The following TSPAN14 variants were observed in gnomAD, a reference collection of about 807,000 sequenced individuals.
The protein encoded by TSPAN14 is tetraspanin-14.
TSPAN14 carries 16 observed loss-of-function variants against 36.6 expected under a neutral mutation model. That is an observed-to-expected ratio of 0.44 (90% confidence interval 0.30 to 0.66). The LOEUF (loss-of-function observed/expected upper bound fraction) is 0.66, where lower values mean the gene tolerates loss of function less well. Ranked by LOEUF, TSPAN14 falls within the 30% of genes least tolerant of loss-of-function variation. TSPAN14 has a pLI of 0.12. For missense variants in TSPAN14, 231 were observed against 355.1 expected, an observed-to-expected ratio of 0.65 and a Z score of 2.81; for synonymous variants, 139 against 143.8, an observed-to-expected ratio of 0.97 and a Z score of 0.24.
chr10:80,510,318 C>A (rs893307394), intron 5 of TSPAN14, among the ~76,000 whole-genome samples: 1 of 152,208 alleles, frequency 6.6e-6, no homozygotes, highest in East Asian at 1.9e-4. Flanking sequence ...ACCTTTATTT[C>A]ATGTATTATG....
At chr10:80,506,260 G>A (rs1480415345) in intron 3 of TSPAN14, among the ~76,000 whole-genome samples, 1 of 152,128 alleles carries the variant, frequency 6.6e-6, no homozygotes, top group Non-Finnish European at 1.5e-5. Context: ...GACGTGAGCC[G>A]CCATGCCCAG....
At chr10:80,469,044 T>C (rs1846392854) in intron 1 of TSPAN14, among the ~76,000 whole-genome samples, 1 of 152,130 alleles carries the variant, frequency 6.6e-6, no homozygotes, top group African/African-American at 2.4e-5. Context: ...GGGTGTGCAG[T>C]GCACAGCAGT....
intron 1 of TSPAN14, among the ~76,000 whole-genome samples, chr10:80,467,521 G>A (rs553120848): frequency 1.3e-5 from 2 of 152,240 alleles, no homozygotes; most frequent in South Asian, 4.1e-4. Context: ...GGAACTTTGG[G>A]AACATTTTAG....
Position 80,509,578 on chromosome 10 carries a change from A to T in TSPAN14, c.450+107A>T. ...CCTTCTCTGTGGGTTGTCTGCCTGC[A>T]GCTTGGCAGACAGCAGGGAGGCCGT... On this transcript the variant is annotated intron_variant, in intron 5 of 8. Coordinates refer to ENST00000429989, the Ensembl canonical transcript of TSPAN14. The surrounding 1 kb of genome is among the most constrained non-coding windows in gnomAD (Gnocchi z 4.7). The T allele has an allele frequency of 8.2e-7, 1 of 1,224,864 alleles. No homozygotes were observed. Among genetic ancestry groups the T allele is most frequent in the Non-Finnish European group, 1.1e-6 (1 of 878,854 alleles). 75.9% of individuals were successfully genotyped at this position (1,224,864 alleles called of 1,614,324 possible).
intron 1 of TSPAN14, among the ~76,000 whole-genome samples, chr10:80,456,439 G>T (rs1845737920): frequency 2.0e-5 from 3 of 152,222 alleles, no homozygotes; most frequent in South Asian, 4.1e-4. Context: ...TATGAAGTGG[G>T]AGAGGAGATG....
In TSPAN14 at chr10:80,490,598, C is replaced by T. The variant is rs542012672; in HGVS notation, c.81+1284C>T. Among the ~76,000 whole-genome samples the T allele has an allele frequency of 2.4e-4, 37 of 152,220 alleles. 1 individual carries two copies. The South Asian group carries it at 6.0e-3, about 25-fold the overall frequency. On this transcript the variant is annotated intron_variant, in intron 2 of 8. Transcript: ENST00000429989. ...ACAAAGTGGAGGTTGTTGATGTTGA[C>T]GGGACCACTGTGAGCTCTGGGTAGG... is the stretch of plus-strand genomic sequence containing the variant.
chr10:80,466,926 T>C (rs1053671680), intron 1 of TSPAN14, among the ~76,000 whole-genome samples: 7 of 152,132 alleles, frequency 4.6e-5, no homozygotes, highest in Admixed American at 6.6e-5. Flanking sequence ...CATAGGTGGG[T>C]TCGGAGATTC....
intron 1 of TSPAN14, among the ~76,000 whole-genome samples, chr10:80,469,698 C>T (rs1242376778): frequency 2.0e-5 from 3 of 152,186 alleles, no homozygotes; most frequent in Non-Finnish European, 4.4e-5. Flanking sequence ...TTCACAAGGA[C>T]ACACTTAGTT....
Position 80,496,359 on chromosome 10 carries a change from A to G in TSPAN14, c.81+7045A>G, listed in dbSNP as rs554638741. Among the ~76,000 whole-genome samples, 3 of 152,310 alleles carry G rather than the reference A, an allele frequency of 2.0e-5. No homozygotes were observed. The East Asian group carries it at 5.8e-4, about 29-fold the overall frequency. On this transcript the variant is annotated intron_variant, in intron 2 of 8. Transcript: ENST00000429989. ...TATGTTTTCACTTGATTTGGTAAAAATAGTTCGCATATGCATACTCTATGA... is the reference window on the plus strand; with the variant it reads ...TATGTTTTCACTTGATTTGGTAAAAGTAGTTCGCATATGCATACTCTATGA...
At chr10:80,462,818 A>G (rs764472260) in intron 1 of TSPAN14, among the ~76,000 whole-genome samples, 1 of 152,116 alleles carries the variant, frequency 6.6e-6, no homozygotes, top group Non-Finnish European at 1.5e-5. Context: ...CTGTTGAAAT[A>G]GCTTTCTTTA....
intron 1 of TSPAN14, among the ~76,000 whole-genome samples, chr10:80,474,353 A>G (rs1003155640): frequency 6.6e-6 from 1 of 151,798 alleles, no homozygotes; most frequent in African/African-American, 2.4e-5. Flanking sequence ...CCTTAGGAAA[A>G]AGAGGGGCCA....
intron 1 of TSPAN14, among the ~76,000 whole-genome samples, chr10:80,459,917 C>G (rs1845894891): frequency 6.6e-6 from 1 of 152,144 alleles, no homozygotes; most frequent in Admixed American, 6.5e-5. Flanking sequence ...GCCAGGCAGA[C>G]AGGGTCTTTT....
At chr10:80,511,727 T>C (rs992244881) in intron 5 of TSPAN14, among the ~76,000 whole-genome samples, 5 of 110,794 alleles carry the variant, frequency 4.5e-5, no homozygotes, top group Non-Finnish European at 9.6e-5. Flanking sequence ...TCTCTCTCTC[T>C]CTCTCTCTCT....
At chr10:80,487,730 G>A (rs770955592) in intron 1 of TSPAN14, among the ~76,000 whole-genome samples, 1 of 151,816 alleles carries the variant, frequency 6.6e-6, no homozygotes, top group Admixed American at 6.6e-5. Flanking sequence ...TCTTGTGATG[G>A]TGGGGCGGTG....
chr10:80,470,782 A>G (rs934030588), intron 1 of TSPAN14, among the ~76,000 whole-genome samples: 1 of 152,122 alleles, frequency 6.6e-6, no homozygotes, highest in Non-Finnish European at 1.5e-5. Context: ...TCCCACCCCA[A>G]TGGTGTCAGC....
intron 2 of TSPAN14, among the ~76,000 whole-genome samples, chr10:80,499,983 GCT>G (rs1381209081): frequency 6.6e-6 from 1 of 152,190 alleles, no homozygotes; most frequent in African/African-American, 2.4e-5. Flanking sequence ...GGCAGCCAGG[GCT>G]CACAGCAGCC....
chr10:80,517,770 T>G, intron 8 of TSPAN14, 135 bp from the exon 9 acceptor site: 1 of 822,332 alleles, frequency 1.2e-6, no homozygotes, highest in Non-Finnish European at 2.0e-6. Flanking sequence ...TCTGCGGTGC[T>G]GTCTCTACGT....
intron 1 of TSPAN14, among the ~76,000 whole-genome samples, chr10:80,474,690 C>G (rs1270833585): frequency 6.6e-6 from 1 of 152,074 alleles, no homozygotes; most frequent in African/African-American, 2.4e-5. Context: ...GGGGCAAACA[C>G]TCCAGGGACA....
At chr10:80,511,194 T>C (rs1840599745) in intron 5 of TSPAN14, among the ~76,000 whole-genome samples, 1 of 152,206 alleles carries the variant, frequency 6.6e-6, no homozygotes, top group Non-Finnish European at 1.5e-5. Flanking sequence ...ACACACTTTT[T>C]AGTCAAATAA....
Sources: allele counts gnomAD v4.1 joint callset (sites outside exome capture counted in the v4.1 genomes callset), GRCh38; gene constraint gnomAD v4.1.1; non-coding constraint Gnocchi (gnomAD v3.1); transcripts MANE v1.5; gene names NCBI Gene and HGNC (gene_info 2026-07-23, HGNC 2026-07-21).